Variants in DNAH9 observed in about 807,000 individuals in gnomAD.
The protein encoded by DNAH9 is dynein axonemal heavy chain 9, also known as DNAH9 variant protein.
In DNAH9, 345 loss-of-function variants were observed where a neutral mutation model predicts 471.6. The observed-to-expected ratio is 0.73, with a 90% confidence interval of 0.67 to 0.80. The LOEUF (loss-of-function observed/expected upper bound fraction) is 0.80, where lower values mean the gene tolerates loss of function less well. Ranked by LOEUF, DNAH9 falls within the 30% of genes least tolerant of loss-of-function variation. DNAH9 has a pLI of 0.00. For synonymous variants in DNAH9, 2,093 were observed against 2,123.6 expected, an observed-to-expected ratio of 0.99 and a Z score of 0.40; for missense variants, 5,407 against 5,609.2, an observed-to-expected ratio of 0.96 and a Z score of 1.15.
At chr17:11,882,882 T>C (rs548144342) in intron 55 of DNAH9, 6 of 965,248 alleles carry the variant, frequency 6.2e-6, no homozygotes, top group Admixed American at 6.2e-5. Context: ...ATCCTGGTCT[T>C]AAGGCAGGAT....
intron 35 of DNAH9, among the ~76,000 whole-genome samples, chr17:11,762,766 T>TTTTTTGTTG (rs777342371): frequency 1.1e-5 from 1 of 87,238 alleles, no homozygotes; most frequent in South Asian, 3.8e-4. Context: ...GCGTTTTTTT[T>TTTTTTGTTG]TTTGTTTTTT....
chr17:11,847,312 G>A (rs975738766), intron 49 of DNAH9, among the ~76,000 whole-genome samples: 1 of 152,118 alleles, frequency 6.6e-6, no homozygotes, highest in Admixed American at 6.5e-5. Flanking sequence ...GTATTGCCTA[G>A]GTTGTCTTCT....
At chr17:11,667,757 G>A (rs1652893957) in intron 15 of DNAH9, among the ~76,000 whole-genome samples, 1 of 152,190 alleles carries the variant, frequency 6.6e-6, no homozygotes, top group South Asian at 2.1e-4. Context: ...AGGAGAAGGA[G>A]ACTGAGTACA....
chr17:11,806,527 T>TTCA (rs1969688297), intron 43 of DNAH9, among the ~76,000 whole-genome samples: 1 of 152,072 alleles, frequency 6.6e-6, no homozygotes, highest in Non-Finnish European at 1.5e-5. Flanking sequence ...GAATTTTTAA[T>TTCA]GGCTTAGGGA....
intron 45 of DNAH9, among the ~76,000 whole-genome samples, chr17:11,821,446 CT>C (rs1410256149): frequency 6.6e-6 from 1 of 152,074 alleles, no homozygotes; most frequent in Non-Finnish European, 1.5e-5. Context: ...GCTTTCTCCC[CT>C]TTTTCTCTCA....
rs774118012 is a variant in DNAH9 at position 11,669,449 on chromosome 17, G to A, written c.3008G>A (p.Cys1003Tyr). The A allele has an allele frequency of 6.2e-7, 1 of 1,614,118 alleles. No homozygotes were observed. The highest frequency in any genetic ancestry group is 8.5e-7 in the Non-Finnish European group (1 of 1,179,978). ...MERVQRMMGL[C>Y]CGYQSTFSQY... ...AGAGTCCAGAGAATGATGGGCCTCT[G>A]CTGTGGCTATCAGAGCACCTTCAGC... The change falls in exon 17 of 69, where the codon TGC becomes TAC. Residue 1003 changes from cysteine (C) to tyrosine (Y), a missense_variant. Around this residue, in one of 3 missense-constraint regions of DNAH9, gnomAD observed 4,636 missense variants for 4,900.3 expected, o/e 0.95. Transcript: ENST00000262442.
chr17:11,607,304 G>C (rs1183676323), intron 1 of DNAH9, among the ~76,000 whole-genome samples: 1 of 152,160 alleles, frequency 6.6e-6, no homozygotes, highest in Non-Finnish European at 1.5e-5. Context: ...CAGTTTTTCA[G>C]TCAACATACT....
chr17:11,798,475 G>T (rs1195666285), intron 43 of DNAH9, among the ~76,000 whole-genome samples: 1 of 147,344 alleles, frequency 6.8e-6, no homozygotes. Context: ...GAGAGAGAGA[G>T]AGATAGAGGG....
chr17:11,817,245 A>G (rs1485589430), intron 45 of DNAH9, among the ~76,000 whole-genome samples: 1 of 152,204 alleles, frequency 6.6e-6, no homozygotes, highest in Admixed American at 6.5e-5. Context: ...GAATTATAGG[A>G]ACAAATATGA....
In DNAH9 at chr17:11,903,633, G is replaced by A. The variant is rs1376154413; in HGVS notation, c.11600+721G>A. On this transcript the variant is annotated intron_variant, in intron 60 of 68. Coordinates refer to ENST00000262442, the MANE Select transcript of DNAH9 (RefSeq NM_001372.4). ...GATAGAAAAATACCAGGGAGGGCCC[G>A]GGCGCGGTGGCTCACGCCTGTAATC... Among the ~76,000 whole-genome samples, 11 of 151,836 alleles carry A rather than the reference G, an allele frequency of 7.2e-5. No homozygotes were observed. In the East Asian group the frequency reaches 1.6e-3, roughly 21 times the overall value.
At chr17:11,698,605 T>C (rs1390416493) in intron 22 of DNAH9, among the ~76,000 whole-genome samples, 1 of 152,016 alleles carries the variant, frequency 6.6e-6, no homozygotes, top group Non-Finnish European at 1.5e-5. Context: ...AGATTTGTCC[T>C]CTCATCTCAT....
intron 14 of DNAH9, among the ~76,000 whole-genome samples, chr17:11,660,120 A>C (rs565294422): frequency 2.0e-5 from 3 of 151,804 alleles, no homozygotes; most frequent in Admixed American, 6.6e-5. Context: ...TATGTTTTTT[A>C]GTATTTCATT....
intron 66 of DNAH9, among the ~76,000 whole-genome samples, chr17:11,940,983 T>TA (rs1373535473): frequency 1.3e-5 from 2 of 152,088 alleles, no homozygotes; most frequent in Non-Finnish European, 1.5e-5. Flanking sequence ...TAAGAAGAGA[T>TA]AAAAAATCAC....
chr17:11,923,600 TGCG>T (rs1974214148), intron 61 of DNAH9, among the ~76,000 whole-genome samples: 1 of 152,188 alleles, frequency 6.6e-6, no homozygotes, highest in African/African-American at 2.4e-5. Flanking sequence ...CATGAGCCAC[TGCG>T]CCCGGCTCAA....
intron 38 of DNAH9, among the ~76,000 whole-genome samples, chr17:11,778,354 A>AAG (rs1968535575): frequency 1.5e-5 from 2 of 137,882 alleles, no homozygotes; most frequent in African/African-American, 2.8e-5. Context: ...AAAAAAAAAA[A>AAG]AAAAAAAAGA....
intron 49 of DNAH9, among the ~76,000 whole-genome samples, chr17:11,843,863 G>GATATATATA (rs1971115612): frequency 2.2e-5 from 1 of 46,466 alleles, no homozygotes; most frequent in African/African-American, 8.1e-5. Context: ...GTGTGTGTGT[G>GATATATATA]TATATATATA....
intron 32 of DNAH9, 57 bp from the exon 33 acceptor site, chr17:11,752,776 T>C: frequency 6.9e-7 from 1 of 1,450,812 alleles, no homozygotes; most frequent in Non-Finnish European, 9.2e-7. Context: ...AAGCTGTGTT[T>C]AAGTGAAAGA....
intron 67 of DNAH9, among the ~76,000 whole-genome samples, chr17:11,952,589 T>C (rs183090159): frequency 6.6e-6 from 1 of 152,246 alleles, no homozygotes; most frequent in East Asian, 1.9e-4. Context: ...CCAAGGACAA[T>C]GGATAAGGAT....
At chr17:11,733,317 G>C (rs553536395) in intron 28 of DNAH9, among the ~76,000 whole-genome samples, 2 of 152,316 alleles carry the variant, frequency 1.3e-5, no homozygotes, top group South Asian at 4.1e-4. Context: ...CCTCCTTAAA[G>C]TATGTCACCT....
Sources: gnomAD v4.1 joint callset for allele counts (sites outside exome capture counted in the v4.1 genomes callset) on GRCh38, gnomAD v4.1.1 for gene constraint, gnomAD v4.1.1 regional missense constraint, MANE v1.5 for transcripts, NCBI Gene and HGNC (gene_info 2026-07-23, HGNC 2026-07-21) for gene names.